Variants in FRAS1 observed in about 807,000 individuals in gnomAD.
The protein encoded by FRAS1 is Fraser extracellular matrix complex subunit 1.
FRAS1 carries 290 observed loss-of-function variants against 435.2 expected under a neutral mutation model. That is an observed-to-expected ratio of 0.67 (90% CI 0.61 to 0.73). The LOEUF (loss-of-function observed/expected upper bound fraction) is 0.73. Among genes scored for constraint, FRAS1 ranks in the 30% least tolerant of loss-of-function variants. The pLI, the probability that FRAS1 is intolerant of heterozygous loss-of-function variation, is 0.00. For missense variants in FRAS1, 4,860 were observed against 5,001.5 expected, an observed-to-expected ratio of 0.97 and a Z score of 0.85; for synonymous variants, 1,800 against 1,851.0, an observed-to-expected ratio of 0.97 and a Z score of 0.71.
intron 2 of FRAS1, among the ~76,000 whole-genome samples, chr4:78,124,691 G>T (rs1461692018): frequency 6.6e-6 from 1 of 152,086 alleles, no homozygotes; most frequent in African/African-American, 2.4e-5. Flanking sequence ...CTTCTTCCTG[G>T]TTTAGTCTTG....
intron 2 of FRAS1, among the ~76,000 whole-genome samples, chr4:78,068,037 T>G (rs1740139710): frequency 6.6e-6 from 1 of 151,994 alleles, no homozygotes; most frequent in African/African-American, 2.4e-5. Context: ...AGTTATGCAA[T>G]TCAGTCTGAG....
intron 59 of FRAS1, among the ~76,000 whole-genome samples, chr4:78,495,598 T>C (rs902726512): frequency 3.9e-5 from 6 of 152,170 alleles, no homozygotes; most frequent in African/African-American, 9.6e-5. Flanking sequence ...TCTTCAGCTT[T>C]GAGTCTACAT....
At position 78,091,649 on chromosome 4, in the gene FRAS1, C is replaced by T. The variant is rs4367202; in HGVS notation, c.108+25633C>T. ...TGTGTGTGTGTGTGTGTGTGTGAAT[C>T]TATATATATATTTTGGAGATGGAGT... is the stretch of plus-strand genomic sequence containing the variant. On this transcript the variant is annotated intron_variant, in intron 2 of 73. Coordinates refer to ENST00000512123, the MANE Select transcript of FRAS1 (RefSeq NM_025074.7). Among the ~76,000 whole-genome samples, 3 of 145,942 alleles carry T rather than the reference C, an allele frequency of 2.1e-5. No individual in the cohort carries two copies. The East Asian group carries it at 6.2e-4, about 30-fold the overall frequency.
chr4:78,247,776 C>T (rs1343298296), intron 4 of FRAS1, among the ~76,000 whole-genome samples: 1 of 152,152 alleles, frequency 6.6e-6, no homozygotes, highest in African/African-American at 2.4e-5. Context: ...TGGCTTGCCT[C>T]CCCTAGGGCG....
intron 49 of FRAS1, 118 bp from the exon 50 acceptor site, chr4:78,466,090 T>C (rs1326885538): frequency 2.8e-6 from 2 of 727,190 alleles, no homozygotes; most frequent in South Asian, 3.5e-5. Context: ...GAAAATACAG[T>C]CCTTACTTTA....
At chr4:78,464,755 A>G (rs1343467143) in intron 49 of FRAS1, among the ~76,000 whole-genome samples, 172 bp downstream of exon 49, 1 of 152,220 alleles carries the variant, frequency 6.6e-6, no homozygotes, top group Non-Finnish European at 1.5e-5. Context: ...AAAGAAAAAC[A>G]AATGTATTTG....
intron 2 of FRAS1, among the ~76,000 whole-genome samples, chr4:78,102,550 T>A (rs1366106283): frequency 6.6e-6 from 1 of 152,182 alleles, no homozygotes; most frequent in Non-Finnish European, 1.5e-5. Flanking sequence ...AAGATGACCC[T>A]GGCGACCATC....
At chr4:78,206,447 A>G (rs576635284) in intron 2 of FRAS1, among the ~76,000 whole-genome samples, 53 of 152,322 alleles carry the variant, frequency 3.5e-4, no homozygotes, top group African/African-American at 1.3e-3. Context: ...TCTCACTTCC[A>G]GGACCATAAA....
intron 23 of FRAS1, 115 bp downstream of exon 23, chr4:78,370,099 C>A: frequency 1.1e-6 from 1 of 893,250 alleles, no homozygotes; most frequent in South Asian, 2.0e-5. Context: ...TTGACTGTCT[C>A]TGATGATAGC....
intron 2 of FRAS1, chr4:78,181,717 T>C: frequency 6.2e-7 from 1 of 1,610,580 alleles, no homozygotes; most frequent in East Asian, 2.2e-5. Context: ...CAGGTCTTCT[T>C]CCAACTCGTC....
chr4:78,239,644 G>A (rs1229365497), intron 3 of FRAS1, among the ~76,000 whole-genome samples: 1 of 151,930 alleles, frequency 6.6e-6, no homozygotes, highest in Non-Finnish European at 1.5e-5. Flanking sequence ...ATATTCTACT[G>A]TTTTCTCCCT....
chr4:78,390,733 A>G (rs1231307276), intron 29 of FRAS1, among the ~76,000 whole-genome samples: 1 of 152,222 alleles, frequency 6.6e-6, no homozygotes, highest in Non-Finnish European at 1.5e-5. Context: ...TTGTAGATGC[A>G]TTGTCAGACA....
chr4:78,165,872 C>T (rs1303395223), intron 2 of FRAS1, among the ~76,000 whole-genome samples: 1 of 152,166 alleles, frequency 6.6e-6, no homozygotes, highest in Non-Finnish European at 1.5e-5. Context: ...TGAGCAGACA[C>T]ATACGAGGCC....
At chr4:78,307,759 A>G (rs925250243) in intron 14 of FRAS1, among the ~76,000 whole-genome samples, 4 of 152,138 alleles carry the variant, frequency 2.6e-5, no homozygotes, top group Non-Finnish European at 5.9e-5. Flanking sequence ...ACTGTCTGGC[A>G]TTCCTTAGTG....
intron 2 of FRAS1, among the ~76,000 whole-genome samples, chr4:78,161,819 G>T (rs909852862): frequency 1.4e-5 from 2 of 143,764 alleles, no homozygotes; most frequent in Non-Finnish European, 3.0e-5. Flanking sequence ...CCTAACTTCT[G>T]AAATTTCATC....
rs775861842 is a variant in FRAS1 at position 78,252,463 on chromosome 4, C to A, written c.381C>A (p.Pro127=). Reference sequence around the variant, plus strand: ...ATCATGGGGAAGTCCGATGTACCCCCCAACCATGCCCACCGCTGTCATGTG... The same window carrying A: ...ATCATGGGGAAGTCCGATGTACCCCACAACCATGCCCACCGCTGTCATGTG... ...SCNHGEVRCT[P]QPCPPLSCGH... is the part of the protein sequence containing the mutation. The change falls in exon 5 of 74, where the codon CCC becomes CCA. Residue 127 remains proline, a synonymous_variant. Transcript: ENST00000512123. 1 of 1,613,786 alleles carries A rather than the reference C, an allele frequency of 6.2e-7. No individual in the cohort carries two copies. The highest frequency in any genetic ancestry group is 8.5e-7 in the Non-Finnish European group (1 of 1,179,826).
chr4:78,339,412 T>C lies in FRAS1; in HGVS notation c.2422+1595T>C, dbSNP rs536074353. Among the ~76,000 whole-genome samples the C allele has an allele frequency of 3.7e-3, 558 of 152,248 alleles. 4 individuals carry two copies. The highest frequency in any genetic ancestry group is 0.013 in the African/African-American group (541 of 41,526). On this transcript the variant is annotated intron_variant, in intron 20 of 73. Coordinates refer to ENST00000512123, the MANE Select transcript of FRAS1 (RefSeq NM_025074.7). ...TAAGGAGGTGAACCAAAGACACAAG[T>C]GTAGTTAACAAATGGTACAAAGCAA...
intron 24 of FRAS1, among the ~76,000 whole-genome samples, chr4:78,373,481 A>AATAATC (rs1731595749): frequency 6.7e-6 from 1 of 149,316 alleles, no homozygotes; most frequent in Non-Finnish European, 1.5e-5. Flanking sequence ...TAATAATAAT[A>AATAATC]ATAATAGTTG....
At chr4:78,429,811 T>A (rs1734142036) in intron 36 of FRAS1, among the ~76,000 whole-genome samples, 1 of 152,230 alleles carries the variant, frequency 6.6e-6, no homozygotes, top group Non-Finnish European at 1.5e-5. Flanking sequence ...AAATTAATTT[T>A]TACCAAACTT....
Sources: gnomAD v4.1 joint callset for allele counts (sites outside exome capture counted in the v4.1 genomes callset) on GRCh38, gnomAD v4.1.1 for gene constraint, MANE v1.5 for transcripts, NCBI Gene and HGNC (gene_info 2026-07-23, HGNC 2026-07-21) for gene names.